DPEP1: variants seen among roughly 807,000 people sequenced by gnomAD.
DPEP1 encodes the protein beta-lactamase.
In DPEP1, 50 loss-of-function variants were observed where a neutral mutation model predicts 42.3. The observed-to-expected ratio is 1.18, with a 90% CI of 0.94 to 1.50. DPEP1 has a LOEUF of 1.50. DPEP1 is among the 40% of genes most tolerant of loss of function. The pLI is 0.00. For synonymous variants in DPEP1, 297 were observed against 234.0 expected, an observed-to-expected ratio of 1.27 and a Z score of -2.46; for missense variants, 663 against 553.0, an observed-to-expected ratio of 1.20 and a Z score of -1.99.
chr16:89,615,246 A>C (rs890971556), intron 1 of DPEP1, among the ~76,000 whole-genome samples: 2 of 152,190 alleles, frequency 1.3e-5, no homozygotes, highest in East Asian at 3.9e-4. Flanking sequence ...GCTGCGGTGG[A>C]CGGACACTGA....
chr16:89,613,320 CAT>C (rs1368431274), upstream of DPEP1: 1 of 152,326 alleles, frequency 6.6e-6, no homozygotes, highest in Non-Finnish European at 1.5e-5. Context: ...CACATCCACA[CAT>C]GAGGGAAAAA....
chr16:89,633,072 C>T lies in DPEP1; in HGVS notation c.104+2558C>T, dbSNP rs528826239. ...GCTAATGTCTGAGATGGGCCGCCTG[C>T]GTCCTCAGGCCAAGGAGTAAAGTCT... On this transcript the variant is annotated intron_variant, in intron 2 of 10. Coordinates refer to ENST00000690203, the MANE Select transcript of DPEP1 (RefSeq NM_001389466.1). Among the ~76,000 whole-genome samples, 644 of 152,278 alleles carry T rather than the reference C, an allele frequency of 4.2e-3. 2 individuals carry two copies. The highest frequency in any genetic ancestry group is 6.9e-3 in the Non-Finnish European group (472 of 67,986).
At chr16:89,639,923 A>AC (rs11428568), downstream of DPEP1, among the ~76,000 whole-genome samples, 71,831 of 151,888 alleles carry the variant, frequency 0.47, 17,347 homozygotes, top group Middle Eastern at 0.65. Context: ...TGATCCGCCC[A>AC]CTCAGCCTCC....
At chr16:89,634,111 G>A (rs538471760) in intron 2 of DPEP1, among the ~76,000 whole-genome samples, 3 of 50,650 alleles carry the variant, frequency 5.9e-5, no homozygotes, top group East Asian at 1.7e-3. Flanking sequence ...TTTTTTTGGA[G>A]GGAGTCTCGC....
intron 1 of DPEP1, 106 bp from the exon 2 acceptor site, chr16:89,630,199 C>A (rs757988842): frequency 4.7e-6 from 2 of 421,140 alleles, no homozygotes; most frequent in African/African-American, 2.1e-5. Context: ...TCCTACCCAC[C>A]CTGGTGGGGA....
chr16:89,639,396 C>A (rs138720742), downstream of DPEP1, among the ~76,000 whole-genome samples: 1,116 of 21,568 alleles, frequency 0.052, 165 homozygotes, highest in South Asian at 0.11. Flanking sequence ...ACACCCCCAC[C>A]CCTGCACACA....
intron 1 of DPEP1, among the ~76,000 whole-genome samples, chr16:89,614,359 G>A (rs2059360669): frequency 6.6e-6 from 1 of 152,222 alleles, no homozygotes; most frequent in Admixed American, 6.5e-5. Flanking sequence ...CTCAGAGGCT[G>A]TGTGAGGAGC....
chr16:89,627,466 C>G (rs573788820), intron 1 of DPEP1, among the ~76,000 whole-genome samples: 22 of 150,726 alleles, frequency 1.5e-4, no homozygotes, highest in Non-Finnish European at 2.7e-4. Context: ...GCCTGTAATC[C>G]CAGCTACTCC....
intron 7 of DPEP1, 39 bp from the exon 8 acceptor site, chr16:89,637,429 C>T: frequency 1.2e-6 from 2 of 1,612,768 alleles, no homozygotes; most frequent in Non-Finnish European, 1.7e-6. Flanking sequence ...GGCAGGCCCT[C>T]CCAGCTCTCA....
chr16:89,635,445 G>A (rs556752930), intron 2 of DPEP1, among the ~76,000 whole-genome samples: 2 of 152,330 alleles, frequency 1.3e-5, no homozygotes, highest in East Asian at 3.9e-4. Context: ...GGCCCCCCAA[G>A]GTCAGGCCGT....
intron 1 of DPEP1, among the ~76,000 whole-genome samples, chr16:89,629,851 C>T (rs1056298554): frequency 6.6e-6 from 1 of 152,224 alleles, no homozygotes; most frequent in Non-Finnish European, 1.5e-5. Flanking sequence ...GCACACCTGG[C>T]TGTGCAGCAG....
intron 1 of DPEP1, among the ~76,000 whole-genome samples, chr16:89,614,793 TC>T (rs1262630967): frequency 3.3e-5 from 5 of 151,956 alleles, no homozygotes; most frequent in African/African-American, 1.2e-4. Flanking sequence ...AGACTCCGTA[TC>T]CAAAAAAATA....
At chr16:89,635,509 C>G (rs568672842) in intron 2 of DPEP1, among the ~76,000 whole-genome samples, 6 of 152,332 alleles carry the variant, frequency 3.9e-5, no homozygotes, top group South Asian at 2.1e-4. Context: ...GATCTTTAAA[C>G]TGAAAACTCT....
chr16:89,636,452 C>A lies in DPEP1; in HGVS notation c.370+56C>A. ...TGCGTCTTCTCACCCAGCCCTCATCCTGAGCAGCAGGTGCCGGTCAGGACA... is the reference window on the plus strand; with the variant it reads ...TGCGTCTTCTCACCCAGCCCTCATCATGAGCAGCAGGTGCCGGTCAGGACA... On this transcript the variant is annotated intron_variant, in intron 4 of 10. Coordinates refer to ENST00000690203, the MANE Select transcript of DPEP1 (RefSeq NM_001389466.1). The A allele has an allele frequency of 5.0e-6, 8 of 1,596,774 alleles. No homozygotes were observed. In the South Asian group the frequency reaches 9.0e-5, roughly 18 times the overall value.
rs74966740 is a variant in DPEP1, at chr16:89,628,638, G to A, written c.-106-1667G>A. ...GTTCTCTCCTTAGTGGCACCTGAGG[G>A]AGTGTGGTGCTCTTGGAAATGCTCT... On this transcript the variant is annotated intron_variant, in intron 1 of 10. Coordinates refer to ENST00000690203, the MANE Select transcript of DPEP1 (RefSeq NM_001389466.1). 0.01 allele frequency among the ~76,000 whole-genome samples: 1,537 copies of A among 152,182 alleles called. 150 individuals carry two copies. In the East Asian group the frequency reaches 0.21, roughly 21 times the overall value.
downstream of DPEP1, among the ~76,000 whole-genome samples, chr16:89,640,902 TGTTA>T (rs1567996277): frequency 6.6e-6 from 1 of 152,172 alleles, no homozygotes; most frequent in Admixed American, 6.5e-5. Context: ...CTGGCTGCAC[TGTTA>T]TTTATTGGAT....
At chr16:89,636,095 C>A in intron 3 of DPEP1, 55 bp downstream of exon 3, 3 of 1,567,002 alleles carry the variant, frequency 1.9e-6, no homozygotes, top group Non-Finnish European at 2.6e-6. Flanking sequence ...CGTCTCCTAC[C>A]TCAGGCCTGG....
downstream of DPEP1, among the ~76,000 whole-genome samples, chr16:89,638,788 A>ATG (rs1358652312): frequency 3.0e-5 from 1 of 33,758 alleles, no homozygotes; most frequent in African/African-American, 1.1e-4. Flanking sequence ...CCACCCCTGC[A>ATG]CGCACACCCC....
At chr16:89,617,275 G>C (rs1231675058) in intron 1 of DPEP1, among the ~76,000 whole-genome samples, 1 of 152,172 alleles carries the variant, frequency 6.6e-6, no homozygotes, top group Non-Finnish European at 1.5e-5. Context: ...ACTCACGGCT[G>C]AGCTGGGTGG....
Sources: allele counts gnomAD v4.1 joint callset (sites outside exome capture counted in the v4.1 genomes callset), GRCh38; gene constraint gnomAD v4.1.1; transcripts MANE v1.5; gene names NCBI Gene and HGNC (gene_info 2026-07-23, HGNC 2026-07-21).